CLDN6: variants seen among roughly 807,000 people sequenced by gnomAD.
CLDN6 encodes claudin 6, also known as claudin-6.
For missense variants in CLDN6, 279 were observed against 284.1 expected, an observed-to-expected ratio of 0.98 and a Z score of 0.13; for synonymous variants, 144 against 131.2, an observed-to-expected ratio of 1.10 and a Z score of -0.67.
Position 3,015,879 on chromosome 16 carries a change from T to A in CLDN6, c.143A>T (p.Glu48Val). ...CACCACGCAGGACATCCACAGGCCC[T>A]CCCACACCACCTGGGCCACCACGAT... Reference protein sequence around the residue: ...NSIVVAQVVWEGLWMSCVVQS... With the variant: ...NSIVVAQVVWVGLWMSCVVQS... Residue 48 changes from glutamate to valine, a missense_variant, in exon 2 of 2, where the codon GAG (glutamate) becomes GTG (valine). Physicochemically the swap from Glu to Val is moderately radical, Grantham distance 121. Transcript: ENST00000328796. The A allele has an allele frequency of 6.2e-7, 1 of 1,614,190 alleles. No homozygotes were observed. The highest frequency in any genetic ancestry group is 8.5e-7 in the Non-Finnish European group (1 of 1,180,032).
Position 3,015,457 on chromosome 16 carries a change from C to G in CLDN6, c.565G>C (p.Gly189Arg), listed in dbSNP as rs1260278066. 6 of 1,584,304 alleles carry G rather than the reference C, an allele frequency of 3.8e-6. No individual in the cohort carries two copies. The highest frequency in any genetic ancestry group is 5.2e-6 in the Non-Finnish European group (6 of 1,164,720). The change falls in exon 2 of 2, where the codon GGG (glycine) becomes CGG (arginine). Residue 189 changes from glycine to arginine, a missense_variant. Transcript: ENST00000328796. ...ATGTAATGGCTGGGGCCCTGGGACC[C>G]CCCCGAGGGGCAAGTGCAGCACAGC... Reference protein sequence around the residue: ...GLLCCTCPSGGSQGPSHYMAR... With the variant: ...GLLCCTCPSGRSQGPSHYMAR...
chr16:3,016,684 G>A (rs964408601), intron 1 of CLDN6, among the ~76,000 whole-genome samples: 2 of 131,158 alleles, frequency 1.5e-5, no homozygotes, highest in Non-Finnish European at 3.1e-5. Flanking sequence ...GTCTCGCTCT[G>A]TCGCCCAGCC....
rs376356605 is a variant in CLDN6 at position 3,015,627 on chromosome 16, G to C, written c.395C>G (p.Thr132Arg). ...GIVFVISGVLTLIPVCWTAHA... is the reference protein window; with the variant it reads ...GIVFVISGVLRLIPVCWTAHA... ...CGCCGTCCAGCACACGGGGATTAGC[G>C]TCAGGACCCCTGAGATGACAAAGAC... The change falls in exon 2 of 2, where the codon ACG becomes AGG. Residue 132 changes from threonine to arginine, a missense_variant. Thr to Arg is a moderately conservative substitution (Grantham distance 71). Coordinates refer to ENST00000328796, the MANE Select transcript of CLDN6 (RefSeq NM_021195.5). 4 of 1,613,296 alleles carry C rather than the reference G, an allele frequency of 2.5e-6. No individual in the cohort carries two copies. Among genetic ancestry groups the C allele is most frequent in the Non-Finnish European group, 1.7e-6 (2 of 1,180,044 alleles).
intron 1 of CLDN6, 75 bp from the exon 2 acceptor site, chr16:3,016,117 T>A: frequency 7.5e-7 from 1 of 1,338,402 alleles, no homozygotes; most frequent in East Asian, 2.5e-5. Flanking sequence ...GACAGGACTC[T>A]AGGGGCATGC....
chr16:3,016,284 C>T (rs1329673048), intron 1 of CLDN6, among the ~76,000 whole-genome samples: 4 of 152,226 alleles, frequency 2.6e-5, no homozygotes, highest in Non-Finnish European at 4.4e-5. Flanking sequence ...GTGCAAGCAG[C>T]CCTGCCCTGG....
Position 3,014,814 on chromosome 16 carries a change from G to T in CLDN6, c.*545C>A, listed in dbSNP as rs1596467880. 3.6e-6 allele frequency: 1 copy of T among 276,970 alleles called. No homozygotes were observed. Among genetic ancestry groups the T allele is most frequent in the Non-Finnish European group, 6.5e-6 (1 of 153,286 alleles). 17.2% of individuals were successfully genotyped at this position (276,970 alleles called of 1,614,324 possible). On this transcript the variant is annotated 3_prime_UTR_variant, in exon 2 of 2. Coordinates refer to ENST00000328796, the MANE Select transcript of CLDN6 (RefSeq NM_021195.5). Reference sequence around the variant, plus strand: ...TGCAGTGTTGGAGGTGGGGGCGGGGGTCTACATAGCTGGGACCTGGCCCTG... The same window carrying T: ...TGCAGTGTTGGAGGTGGGGGCGGGGTTCTACATAGCTGGGACCTGGCCCTG...
Position 3,015,727 on chromosome 16 carries a change from G to A in CLDN6, c.295C>T (p.Leu99Phe). 1.9e-6 allele frequency: 3 copies of A among 1,613,920 alleles called. No homozygotes were observed. The highest frequency in any genetic ancestry group is 2.5e-6 in the Non-Finnish European group (3 of 1,180,040). The part of the protein sequence containing the change: ...LVALFGLLVY[L>F]AGAKCTTCVE... ...CAGGTGGTACACTTGGCCCCAGCAA[G>A]GTAGACCAGCAAGCCGAACAGGGCC... Residue 99 changes from leucine to phenylalanine, a missense_variant, in exon 2 of 2, where the codon CTT becomes TTT. Physicochemically the swap from Leu to Phe is conservative, Grantham distance 22. Transcript: ENST00000328796.
rs776406970 is a variant in CLDN6, at chr16:3,015,826, C to T, written c.196G>A (p.Val66Met). ...VQSTGQMQCK[V>M]YDSLLALPQD... ...GGCAGCGCCAGCAGTGAGTCGTACA[C>T]CTTGCACTGCATCTGGCCGGTGCTC... is the stretch of plus-strand genomic sequence containing the variant. Residue 66 changes from valine (V) to methionine (M), a missense_variant, in exon 2 of 2, where the codon GTG becomes ATG. Physicochemically the swap from Val to Met is conservative, Grantham distance 21. Transcript: ENST00000328796. 2.7e-5 allele frequency: 43 copies of T among 1,614,066 alleles called. No homozygotes were observed. The South Asian group carries it at 4.7e-4, about 18-fold the overall frequency.
At chr16:3,016,112 G>C in intron 1 of CLDN6, 70 bp from the exon 2 acceptor site, 1 of 1,388,332 alleles carries the variant, frequency 7.2e-7, no homozygotes, top group Admixed American at 2.2e-5. Context: ...ATGTGGACAG[G>C]ACTCTAGGGG....
At position 3,015,791 on chromosome 16, in the gene CLDN6, C is replaced by T. The variant is rs747277237; in HGVS notation, c.231G>A (p.Leu77=). ...TGACACAGAGGGCACGTGCAGCCTGCAGGTCCTGTGGCAGCGCCAGCAGTG... is the reference window on the plus strand; with the variant it reads ...TGACACAGAGGGCACGTGCAGCCTGTAGGTCCTGTGGCAGCGCCAGCAGTG... ...YDSLLALPQD[L]QAARALCVIA... Residue 77 remains leucine, a synonymous_variant, in exon 2 of 2, where the codon CTG becomes CTA. Transcript: ENST00000328796. The T allele has an allele frequency of 1.2e-6, 2 of 1,614,104 alleles. No individual in the cohort carries two copies. Among genetic ancestry groups the T allele is most frequent in the Non-Finnish European group, 1.7e-6 (2 of 1,180,052 alleles).
chr16:3,015,740 G>C lies in CLDN6; in HGVS notation c.282C>G (p.Gly94=). 1 of 1,614,024 alleles carries C rather than the reference G, an allele frequency of 6.2e-7. No individual in the cohort carries two copies. The highest frequency in any genetic ancestry group is 8.5e-7 in the Non-Finnish European group (1 of 1,180,052). ...TGGCCCCAGCAAGGTAGACCAGCAA[G>C]CCGAACAGGGCCACAAGGAGGGCGA... is the stretch of plus-strand genomic sequence containing the variant. ...CVIALLVALF[G]LLVYLAGAKC... is the part of the protein sequence containing the mutation. The change falls in exon 2 of 2, where the codon GGC becomes GGG. Residue 94 remains glycine, a synonymous_variant. Coordinates refer to ENST00000328796, the MANE Select transcript of CLDN6 (RefSeq NM_021195.5).
intron 1 of CLDN6, among the ~76,000 whole-genome samples, chr16:3,017,146 T>A (rs1233244389): frequency 6.6e-6 from 1 of 151,964 alleles, no homozygotes; most frequent in Non-Finnish European, 1.5e-5. Context: ...CCACCCAATG[T>A]CCCTCACAAC....
rs1370865512 is a variant in CLDN6, at chr16:3,015,194, C to A, written c.*165G>T. Reference sequence around the variant, plus strand: ...GAAACAGCAGAGCCTAAGTGAGAGTCTGAGTCAACACCTTGGCTCAGTTTT... The same window carrying A: ...GAAACAGCAGAGCCTAAGTGAGAGTATGAGTCAACACCTTGGCTCAGTTTT... On this transcript the variant is annotated 3_prime_UTR_variant, in exon 2 of 2. Transcript: ENST00000328796. 1 of 580,920 alleles carries A rather than the reference C, an allele frequency of 1.7e-6. No homozygotes were observed. Among genetic ancestry groups the A allele is most frequent in the Non-Finnish European group, 2.9e-6 (1 of 347,816 alleles). The allele number at this position is 580,920 out of a possible 1,614,324, so 36.0% of individuals were successfully genotyped here.
At position 3,018,182 on chromosome 16, in the gene CLDN6, G is replaced by C. The variant is rs189077742; in HGVS notation, c.-55C>G. Reference sequence around the variant, plus strand: ...GAGATAAGGGAAATTCCTAGGCCGAGTGTCGGGACAGGGGCGGAGGCGGGG... The same window carrying C: ...GAGATAAGGGAAATTCCTAGGCCGACTGTCGGGACAGGGGCGGAGGCGGGG... On this transcript the variant is annotated 5_prime_UTR_variant, in exon 1 of 2. Transcript: ENST00000328796. The C allele has an allele frequency of 1.3e-5, 2 of 152,286 alleles. No homozygotes were observed. The highest frequency in any genetic ancestry group is 6.5e-5 in the Admixed American group (1 of 15,288). The allele number at this position is 152,286 out of a possible 1,614,324, so 9.4% of individuals were successfully genotyped here.
rs927418259 is a variant in CLDN6, at chr16:3,015,281, C to T, written c.*78G>A. 89 of 1,300,610 alleles carry T rather than the reference C, an allele frequency of 6.8e-5. No homozygotes were observed. Among genetic ancestry groups the T allele is most frequent in the Middle Eastern group, 1.9e-4 (1 of 5,164 alleles). 80.6% of individuals were successfully genotyped at this position (1,300,610 alleles called of 1,614,324 possible). ...TAGCAGGAGGCAGAAACAAAAGGTA[C>T]GAACCCATCCCAAAGCTGTTGGGCA... On this transcript the variant is annotated 3_prime_UTR_variant, in exon 2 of 2. Coordinates refer to ENST00000328796, the MANE Select transcript of CLDN6 (RefSeq NM_021195.5).
In CLDN6 at chr16:3,015,150, C is replaced by G. The variant is rs2072556805; in HGVS notation, c.*209G>C. ...GAATCTCAAAGCATCCCCTCTTTGGCTCCATCATCCAAGGGTGAGAAACAG... is the reference window on the plus strand; with the variant it reads ...GAATCTCAAAGCATCCCCTCTTTGGGTCCATCATCCAAGGGTGAGAAACAG... On this transcript the variant is annotated 3_prime_UTR_variant, in exon 2 of 2. Coordinates refer to ENST00000328796, the MANE Select transcript of CLDN6 (RefSeq NM_021195.5). 2.2e-6 allele frequency: 1 copy of G among 464,894 alleles called. No homozygotes were observed. The highest frequency in any genetic ancestry group is 2.0e-5 in the African/African-American group (1 of 50,122). The allele number at this position is 464,894 out of a possible 1,614,324, so 28.8% of individuals were successfully genotyped here.
rs149918675 is a variant in CLDN6 at position 3,015,675 on chromosome 16, C to A, written c.347G>T (p.Arg116Leu). The stretch of plus-strand genomic sequence containing the variant: ...GACAATCCCAGAGGTGAGCACCAGG[C>A]GGGCCTTGGAATCCTTCTCCTCCAC... ...TCVEEKDSKA[R>L]LVLTSGIVFV... The change falls in exon 2 of 2, where the codon CGC becomes CTC. Residue 116 changes from arginine to leucine, a missense_variant. Coordinates refer to ENST00000328796, the MANE Select transcript of CLDN6 (RefSeq NM_021195.5). The A allele has an allele frequency of 3.5e-5, 56 of 1,613,472 alleles. No individual in the cohort carries two copies. The highest frequency in any genetic ancestry group is 4.5e-5 in the Non-Finnish European group (53 of 1,180,050).
rs1018652575 is a variant in CLDN6, at chr16:3,016,407, C to T, written c.-21-365G>A. Among the ~76,000 whole-genome samples the T allele has an allele frequency of 5.3e-5, 8 of 152,170 alleles. No individual in the cohort carries two copies. The South Asian group carries it at 8.3e-4, about 16-fold the overall frequency. On this transcript the variant is annotated intron_variant, in intron 1 of 1. Coordinates refer to ENST00000328796, the MANE Select transcript of CLDN6 (RefSeq NM_021195.5). ...CAAAAAGCAGGATGACAGGACGGTG[C>T]GATTTCCAAGCAGTTTCCGTGTAGA...
chr16:3,016,530 G>C (rs377014243), intron 1 of CLDN6, among the ~76,000 whole-genome samples: 1 of 152,220 alleles, frequency 6.6e-6, no homozygotes, highest in Non-Finnish European at 1.5e-5. Context: ...GCCCAGGCTA[G>C]AGTGCAGTGG....
Sources: allele counts gnomAD v4.1 joint callset (sites outside exome capture counted in the v4.1 genomes callset), GRCh38; gene constraint gnomAD v4.1.1; transcripts MANE v1.5; gene names NCBI Gene and HGNC (gene_info 2026-07-23, HGNC 2026-07-21).